NBAS: variants seen among roughly 807,000 people sequenced by gnomAD.
NBAS encodes NBAS subunit of NRZ tethering complex.
Under a neutral mutation model 302.5 loss-of-function variants are expected in NBAS, and 219 were observed. The ratio of observed to expected loss-of-function variants is 0.72; its 90% confidence interval spans 0.65 to 0.81. NBAS has a LOEUF of 0.81. Ranked by LOEUF, NBAS falls within the 30% of genes least tolerant of loss-of-function variation. The pLI, the probability that NBAS is intolerant of heterozygous loss-of-function variation, is 0.00. For missense variants in NBAS, 2,932 were observed against 2,841.6 expected (o/e 1.03, Z -0.72); for synonymous variants, 1,118 against 1,021.6 (o/e 1.09, Z -1.80).
At chr2:15,441,248 G>C (rs1213779324) in intron 21 of NBAS, among the ~76,000 whole-genome samples, 1 of 152,126 alleles carries the variant, frequency 6.6e-6, no homozygotes, top group Non-Finnish European at 1.5e-5. Context: ...GTTAAGGGCA[G>C]CCAGAGAGAA....
chr2:15,124,162 A>G, the NBAS span, among the ~76,000 whole-genome samples: 1 of 152,196 alleles, frequency 6.6e-6, no homozygotes. Flanking sequence ...CATTGTCTCC[A>G]TGTCCTACGG....
intron 50 of NBAS, among the ~76,000 whole-genome samples, chr2:15,182,833 A>C (rs947174522): frequency 2.0e-5 from 3 of 152,222 alleles, no homozygotes; most frequent in African/African-American, 7.2e-5. Context: ...CATCATGGCC[A>C]TAAGTAAGCA....
intron 44 of NBAS, among the ~76,000 whole-genome samples, chr2:15,272,177 G>C (rs562086850): frequency 6.6e-6 from 1 of 152,248 alleles, no homozygotes; most frequent in African/African-American, 2.4e-5. Flanking sequence ...CAGGCCTTGG[G>C]AATATTCCTT....
rs773118859 is a variant in NBAS, at chr2:15,232,416, T to G, written c.6236+6A>C. The G allele has an allele frequency of 1.2e-6, 2 of 1,613,566 alleles. No individual in the cohort carries two copies. The highest frequency in any genetic ancestry group is 1.7e-6 in the Non-Finnish European group (2 of 1,179,556). The stretch of plus-strand genomic sequence containing the variant: ...AATGAAGATGCACATACTGTTCTAG[T>G]CTTACCCCTTGTCCACACTGGCGTG... On this transcript the variant is annotated splice_donor_region_variant and intron_variant, in intron 47 of 51. Coordinates refer to ENST00000281513, the MANE Select transcript of NBAS (RefSeq NM_015909.4).
chr2:14,965,347 T>C, the NBAS span, among the ~76,000 whole-genome samples: 1 of 152,122 alleles, frequency 6.6e-6, no homozygotes, highest in African/African-American at 2.4e-5. Context: ...TTAAGAATTA[T>C]TATAGATTCT....
intron 44 of NBAS, among the ~76,000 whole-genome samples, chr2:15,267,636 GA>G (rs1179657616): frequency 4.6e-5 from 7 of 151,838 alleles, no homozygotes; most frequent in Non-Finnish European, 7.4e-5. Context: ...AAAAACTTAC[GA>G]AAAAGATCAC....
At chr2:15,218,207 C>T (rs540394007) in intron 48 of NBAS, among the ~76,000 whole-genome samples, 9 of 152,306 alleles carry the variant, frequency 5.9e-5, no homozygotes, top group African/African-American at 1.7e-4. Flanking sequence ...GTGAACCATC[C>T]TATCTCCTAT....
rs147540141 is a variant in NBAS, at chr2:15,190,925, C to T, written c.6433-522G>A. Among the ~76,000 whole-genome samples the T allele has an allele frequency of 3.5e-3, 539 of 152,218 alleles. 4 individuals are homozygous for T. The highest frequency in any genetic ancestry group is 0.012 in the African/African-American group (512 of 41,530). ...TAGAATAAAATATCCTTTATTTATACCTCCATTTCGAATGAAAAAGTAGTC... is the reference window on the plus strand; with the variant it reads ...TAGAATAAAATATCCTTTATTTATATCTCCATTTCGAATGAAAAAGTAGTC... On this transcript the variant is annotated intron_variant, in intron 48 of 51. Coordinates refer to ENST00000281513, the MANE Select transcript of NBAS (RefSeq NM_015909.4).
chr2:14,821,119 G>C, the NBAS span, among the ~76,000 whole-genome samples: 1 of 152,016 alleles, frequency 6.6e-6, no homozygotes, highest in African/African-American at 2.4e-5. Flanking sequence ...GTAGAGACGG[G>C]GTTTCACCGT....
intron 11 of NBAS, among the ~76,000 whole-genome samples, chr2:15,498,987 G>T (rs1186953226): frequency 6.6e-6 from 1 of 151,194 alleles, no homozygotes; most frequent in Non-Finnish European, 1.5e-5. Flanking sequence ...GAATGCAGTG[G>T]CGCGATTCTT....
the NBAS span, among the ~76,000 whole-genome samples, chr2:15,113,464 C>A: frequency 6.6e-6 from 1 of 151,620 alleles, no homozygotes; most frequent in Admixed American, 6.6e-5. Context: ...ATGGATGATT[C>A]CAGATCTGCA....
chr2:15,522,717 C>T (rs1445634114), intron 9 of NBAS, among the ~76,000 whole-genome samples: 1 of 152,206 alleles, frequency 6.6e-6, no homozygotes, highest in Admixed American at 6.6e-5. Context: ...ATGCAGTTGA[C>T]CCCTGAATAC....
the NBAS span, among the ~76,000 whole-genome samples, chr2:14,954,479 G>A: frequency 1.5e-3 from 233 of 152,280 alleles, no homozygotes; most frequent in African/African-American, 4.8e-3. Flanking sequence ...TTCTCTGGAA[G>A]CATCCCTTGT....
intron 38 of NBAS, among the ~76,000 whole-genome samples, chr2:15,310,417 T>C (rs1671222061): frequency 6.6e-6 from 1 of 152,198 alleles, no homozygotes; most frequent in Admixed American, 6.5e-5. Context: ...CAAGGAATCA[T>C]ACAGTTTTAG....
the NBAS span, among the ~76,000 whole-genome samples, chr2:14,877,647 A>G: frequency 6.6e-6 from 1 of 151,872 alleles, no homozygotes; most frequent in African/African-American, 2.4e-5. Flanking sequence ...AGATTTTTTT[A>G]ATGCATTCGC....
chr2:14,948,639 C>A, the NBAS span, among the ~76,000 whole-genome samples: 7 of 151,784 alleles, frequency 4.6e-5, no homozygotes, highest in Admixed American at 3.3e-4. Flanking sequence ...ACTGAAAGAA[C>A]TAATATTGTT....
chr2:14,829,066 A>C, the NBAS span, among the ~76,000 whole-genome samples: 9 of 150,414 alleles, frequency 6.0e-5, no homozygotes, highest in Admixed American at 4.6e-4. Context: ...CAGAGTCAAG[A>C]CTCAAAGTCA....
chr2:14,844,689 C>T, the NBAS span, among the ~76,000 whole-genome samples: 1 of 152,098 alleles, frequency 6.6e-6, no homozygotes, highest in Non-Finnish European at 1.5e-5. Context: ...AAGGGTGAGG[C>T]CCAGACCAGG....
the NBAS span, among the ~76,000 whole-genome samples, chr2:14,894,208 A>G: frequency 1.3e-5 from 2 of 152,210 alleles, no homozygotes; most frequent in African/African-American, 2.4e-5. Flanking sequence ...TGCTCCATCA[A>G]GATGAGAGAG....
Sources: allele counts gnomAD v4.1 joint callset (sites outside exome capture counted in the v4.1 genomes callset), GRCh38; gene constraint gnomAD v4.1.1; transcripts MANE v1.5; gene names NCBI Gene and HGNC (gene_info 2026-07-23, HGNC 2026-07-21).